The following ROBO1 variants were observed in gnomAD, a reference collection of about 807,000 sequenced individuals.
The protein encoded by ROBO1 is roundabout homolog 1.
In ROBO1, 149 loss-of-function variants were observed where a neutral mutation model predicts 195.9. The ratio of observed to expected loss-of-function variants is 0.76; its 90% CI spans 0.67 to 0.87. The LOEUF is 0.87. Among genes scored for constraint, ROBO1 ranks in the 40% least tolerant of loss-of-function variants. The pLI is 0.00. For synonymous variants in ROBO1, 816 were observed against 733.2 expected (o/e 1.11, Z -1.82); for missense variants, 1,933 against 2,068.3 (o/e 0.93, Z 1.27).
chr3:79,406,162 A>G (rs994111579), intron 2 of ROBO1, among the ~76,000 whole-genome samples: 7 of 151,922 alleles, frequency 4.6e-5, no homozygotes, highest in African/African-American at 1.7e-4. Context: ...GCTGGAGATA[A>G]CCGTAGAGGG....
chr3:79,703,393 A>G (rs529712691), intron 1 of ROBO1, among the ~76,000 whole-genome samples: 1 of 151,878 alleles, frequency 6.6e-6, no homozygotes, highest in Non-Finnish European at 1.5e-5. Flanking sequence ...ATTTTAAATA[A>G]TCCTGAATCT....
rs1328937680 is a variant in ROBO1, at chr3:79,528,329, T to A, written c.88+61495A>T. Among the ~76,000 whole-genome samples, 3 of 152,188 alleles carry A rather than the reference T, an allele frequency of 2.0e-5. No individual in the cohort carries two copies. The East Asian group carries it at 5.8e-4, about 29-fold the overall frequency. On this transcript the variant is annotated intron_variant, in intron 2 of 30. Transcript: ENST00000464233. ...TACTTTGCAAAAAATGCTTTCTGGG[T>A]TATCATAAAACCCTTTGTTTTCATT...
chr3:79,119,261 T>G (rs753745381), intron 3 of ROBO1, among the ~76,000 whole-genome samples: 2 of 152,194 alleles, frequency 1.3e-5, no homozygotes, highest in Non-Finnish European at 2.9e-5. Context: ...AGAGCTTAAT[T>G]TACTTTTTAA....
At chr3:78,954,599 T>C (rs541878290) in intron 3 of ROBO1, among the ~76,000 whole-genome samples, 3 of 152,108 alleles carry the variant, frequency 2.0e-5, no homozygotes, top group Admixed American at 6.6e-5. Context: ...TTTTCAATCA[T>C]GAAAAACAGC....
At chr3:79,659,423 T>G (rs1946264677) in intron 1 of ROBO1, among the ~76,000 whole-genome samples, 1 of 152,070 alleles carries the variant, frequency 6.6e-6, no homozygotes, top group Non-Finnish European at 1.5e-5. Context: ...GTTTAGAGTC[T>G]ACTTGTGTAG....
At chr3:79,700,921 G>A (rs1243075211) in intron 1 of ROBO1, among the ~76,000 whole-genome samples, 1 of 151,612 alleles carries the variant, frequency 6.6e-6, no homozygotes, top group East Asian at 1.9e-4. Context: ...TTTAGAAAGT[G>A]TTTCCTAAGT....
intron 2 of ROBO1, among the ~76,000 whole-genome samples, chr3:79,234,669 A>G (rs1440445779): frequency 6.6e-6 from 1 of 152,188 alleles, no homozygotes; most frequent in African/African-American, 2.4e-5. Context: ...TGTTCTTTGC[A>G]GCAACATGAA....
chr3:79,125,642 G>C, intron 2 of ROBO1, 103 bp from the exon 3 acceptor site: 1 of 836,304 alleles, frequency 1.2e-6, no homozygotes, highest in Non-Finnish European at 2.0e-6. Context: ...ACATGTGACA[G>C]AAAAACACAC....
intron 2 of ROBO1, among the ~76,000 whole-genome samples, chr3:79,337,191 T>C (rs2034709243): frequency 6.6e-6 from 1 of 152,172 alleles, no homozygotes; most frequent in Non-Finnish European, 1.5e-5. Context: ...AATAAGACTT[T>C]GGGGGACTGT....
rs180889164 is a variant in ROBO1 at position 79,584,667 on chromosome 3, G to A, written c.88+5157C>T. On this transcript the variant is annotated intron_variant, in intron 2 of 30. Transcript: ENST00000464233. ...TTCATACACACACACACACATACAC[G>A]TACACACATACACACACTCACATAC... 1.4e-3 allele frequency among the ~76,000 whole-genome samples: 201 copies of A among 144,872 alleles called. 1 individual carries two copies. The highest frequency in any genetic ancestry group is 4.9e-3 in the East Asian group (24 of 4,876).
At chr3:79,633,651 A>G (rs1442430140) in intron 1 of ROBO1, among the ~76,000 whole-genome samples, 1 of 152,004 alleles carries the variant, frequency 6.6e-6, no homozygotes, top group Non-Finnish European at 1.5e-5. Flanking sequence ...CTAATATCCC[A>G]TCCTTGATTG....
At chr3:79,710,815 C>T (rs1224621229) in intron 1 of ROBO1, among the ~76,000 whole-genome samples, 1 of 152,042 alleles carries the variant, frequency 6.6e-6, no homozygotes, top group African/African-American at 2.4e-5. Flanking sequence ...GTGAAGGAAC[C>T]TACTTGTCAA....
At chr3:78,951,505 A>G (rs2040785894) in intron 3 of ROBO1, among the ~76,000 whole-genome samples, 1 of 152,086 alleles carries the variant, frequency 6.6e-6, no homozygotes, top group Non-Finnish European at 1.5e-5. Flanking sequence ...AGTTACAAAG[A>G]AGAGGGGGTT....
At chr3:78,896,658 CAAAAAA>C (rs142287501) in intron 4 of ROBO1, among the ~76,000 whole-genome samples, 3 of 65,926 alleles carry the variant, frequency 4.6e-5, no homozygotes, top group South Asian at 5.8e-4. Flanking sequence ...TTGTTGCTCA[CAAAAAA>C]AAAAAAAAAA....
At chr3:78,667,701 CAGAAAAT>C (rs919655348) in intron 14 of ROBO1, among the ~76,000 whole-genome samples, 175 bp downstream of exon 14, 12 of 151,880 alleles carry the variant, frequency 7.9e-5, no homozygotes, top group Non-Finnish European at 1.6e-4. Context: ...ATGCTTAGTC[CAGAAAAT>C]AATAAAGTTT....
chr3:79,762,568 A>G (rs1434943516), intron 1 of ROBO1, among the ~76,000 whole-genome samples: 1 of 150,984 alleles, frequency 6.6e-6, no homozygotes, highest in Non-Finnish European at 1.5e-5. Context: ...ATCGCTAAAA[A>G]AATAAGAAAG....
chr3:78,670,211 G>A lies in ROBO1; in HGVS notation c.1433C>T (p.Ala478Val), dbSNP rs369566209. The change falls in exon 11 of 31, where the codon GCC becomes GTC. Residue 478 changes from alanine to valine, a missense_variant. By Grantham distance (64) the Ala-to-Val change is moderately conservative. Transcript: ENST00000464233. Reference sequence around the variant, plus strand: ...AATGGTGGGCACTGGACTGCCTGTGGCCACACAGCTGAGGACGAAAGTGCC... The same window carrying A: ...AATGGTGGGCACTGGACTGCCTGTGACCACACAGCTGAGGACGAAAGTGCC... ...VDGTFVLSCV[A>V]TGSPVPTILW... 2.3e-5 allele frequency: 37 copies of A among 1,609,742 alleles called. No individual in the cohort carries two copies. Among genetic ancestry groups the A allele is most frequent in the Non-Finnish European group, 7.6e-6 (9 of 1,178,038 alleles).
chr3:79,694,222 A>T (rs1345011221), intron 1 of ROBO1, among the ~76,000 whole-genome samples: 2 of 151,862 alleles, frequency 1.3e-5, no homozygotes, highest in African/African-American at 4.8e-5. Flanking sequence ...CAAATTCCTT[A>T]CAGAAACACA....
chr3:78,609,865 A>G (rs1368977315), intron 28 of ROBO1, among the ~76,000 whole-genome samples: 2 of 152,118 alleles, frequency 1.3e-5, no homozygotes, highest in African/African-American at 4.8e-5. Context: ...TAAAAAATAA[A>G]TGAAACTTTT....
Sources: gnomAD v4.1 joint callset for allele counts (sites outside exome capture counted in the v4.1 genomes callset) on GRCh38, gnomAD v4.1.1 for gene constraint, MANE v1.5 for transcripts, NCBI Gene and HGNC (gene_info 2026-07-23, HGNC 2026-07-21) for gene names.